TMEM71: variants seen among roughly 807,000 people sequenced by gnomAD.
The protein encoded by TMEM71 is transmembrane protein 71.
Under a neutral mutation model 38.0 loss-of-function variants are expected in TMEM71, and 44 were observed. The ratio of observed to expected loss-of-function variants is 1.16; its 90% confidence interval spans 0.91 to 1.49. The LOEUF is 1.49. Ranked by LOEUF, TMEM71 falls within the 40% of genes most tolerant of loss-of-function variation. The pLI is 0.00. For missense variants in TMEM71, 367 were observed against 348.6 expected (o/e 1.05, Z -0.42); for synonymous variants, 133 against 122.5 (o/e 1.09, Z -0.56).
chr8:132,751,466 C>T (rs1828703519), intron 4 of TMEM71, among the ~76,000 whole-genome samples: 1 of 152,216 alleles, frequency 6.6e-6, no homozygotes, highest in Admixed American at 6.5e-5. Flanking sequence ...TGACGGGTTT[C>T]TATCCTGGCA....
chr8:132,771,002 A>G, the TMEM71 span, among the ~76,000 whole-genome samples: 177 of 152,362 alleles, frequency 1.2e-3, no homozygotes, highest in African/African-American at 4.2e-3. Flanking sequence ...AGTTAATGCA[A>G]GAGACACTAG....
chr8:132,729,707 T>C (rs532692592), intron 5 of TMEM71, among the ~76,000 whole-genome samples: 4 of 152,166 alleles, frequency 2.6e-5, no homozygotes, highest in African/African-American at 9.7e-5. Context: ...GAAGTCATAG[T>C]AGTCAAAGGT....
intron 5 of TMEM71, among the ~76,000 whole-genome samples, chr8:132,731,785 G>A (rs1392570521): frequency 6.6e-6 from 1 of 152,196 alleles, no homozygotes; most frequent in Non-Finnish European, 1.5e-5. Flanking sequence ...GAACTTCAAG[G>A]GGAACAAGCA....
chr8:132,707,604 C>T (rs1826112569), downstream of TMEM71, among the ~76,000 whole-genome samples: 2 of 152,106 alleles, frequency 1.3e-5, no homozygotes, highest in South Asian at 2.1e-4. Flanking sequence ...CTCATCTTCT[C>T]ACCTTCAGCC....
chr8:132,738,830 C>T (rs1827882869), intron 5 of TMEM71, among the ~76,000 whole-genome samples: 1 of 149,732 alleles, frequency 6.7e-6, no homozygotes. Context: ...GCACTTATTG[C>T]ATTCTTAAAA....
chr8:132,763,285 T>C (rs1482791412), upstream of TMEM71, among the ~76,000 whole-genome samples: 2 of 152,224 alleles, frequency 1.3e-5, no homozygotes, highest in Non-Finnish European at 2.9e-5. Context: ...AACATGAGCA[T>C]TAAAAGAGCA....
intron 4 of TMEM71, 46 bp downstream of exon 4, chr8:132,751,739 G>T: frequency 6.6e-7 from 1 of 1,517,812 alleles, no homozygotes; most frequent in African/African-American, 1.4e-5. Flanking sequence ...AACAATTAAT[G>T]GATGGATTGG....
downstream of TMEM71, among the ~76,000 whole-genome samples, chr8:132,707,756 C>A (rs979047694): frequency 6.6e-6 from 1 of 152,170 alleles, no homozygotes; most frequent in Non-Finnish European, 1.5e-5. Context: ...CAACACAAAA[C>A]AGACTAAAAC....
chr8:132,768,841 G>A, the TMEM71 span, among the ~76,000 whole-genome samples: 2 of 152,268 alleles, frequency 1.3e-5, no homozygotes, highest in Admixed American at 1.3e-4. Context: ...CTTGGAGATA[G>A]TGTTATTGCT....
intron 2 of TMEM71, chr8:132,757,874 T>C (rs1341300908): frequency 7.0e-6 from 1 of 143,568 alleles, no homozygotes; most frequent in Admixed American, 6.8e-5. Flanking sequence ...GAGGCAATAA[T>C]AAATCATTAG....
At chr8:132,774,293 C>A in the TMEM71 span, among the ~76,000 whole-genome samples, 1 of 152,166 alleles carries the variant, frequency 6.6e-6, no homozygotes, top group East Asian at 1.9e-4. Flanking sequence ...AACCAAAAAA[C>A]AAGATAACAA....
At chr8:132,730,061 C>A (rs767528387) in intron 5 of TMEM71, among the ~76,000 whole-genome samples, 6 of 151,876 alleles carry the variant, frequency 4.0e-5, no homozygotes, top group South Asian at 2.1e-4. Flanking sequence ...TGGGTTCAGG[C>A]GATTCTCCTG....
At chr8:132,760,437 A>T (rs191267597) in intron 1 of TMEM71, 39 bp downstream of exon 1, 1 of 152,364 alleles carries the variant, frequency 6.6e-6, no homozygotes, top group African/African-American at 2.4e-5. Context: ...GAATGTCAAC[A>T]GGTGCAGAAG....
Position 132,719,718 on chromosome 8 carries a change from A to G in TMEM71, c.752+2322T>C, listed in dbSNP as rs182188995. Among the ~76,000 whole-genome samples the G allele has an allele frequency of 2.1e-3, 325 of 152,364 alleles. 2 individuals are homozygous for G. Among genetic ancestry groups the G allele is most frequent in the African/African-American group, 7.5e-3 (310 of 41,584 alleles). On this transcript the variant is annotated intron_variant, in intron 7 of 9. Transcript: ENST00000677595. ...TATTAGAATAATTTTAGATATGCAG[A>G]GAAATCAGAAAATTAGGACAGAGGG... is the stretch of plus-strand genomic sequence containing the variant.
At chr8:132,725,038 TTTTTTTTC>T (rs1475200278) in intron 6 of TMEM71, among the ~76,000 whole-genome samples, 9 of 121,746 alleles carry the variant, frequency 7.4e-5, no homozygotes, top group Non-Finnish European at 1.4e-4. Flanking sequence ...TTTTCTTTTC[TTTTTTTTC>T]TTTTTTTTTT....
chr8:132,773,437 T>A, the TMEM71 span, among the ~76,000 whole-genome samples: 1 of 152,264 alleles, frequency 6.6e-6, no homozygotes, highest in Non-Finnish European at 1.5e-5. Context: ...CTTTCCAGGG[T>A]GGATTCTCAA....
chr8:132,713,917 T>G (rs1017944293), intron 9 of TMEM71, 78 bp downstream of exon 9: 1 of 1,379,046 alleles, frequency 7.3e-7, no homozygotes, highest in Non-Finnish European at 1.0e-6. Context: ...CCATCTACTA[T>G]GCAGCAGAAA....
intron 5 of TMEM71, among the ~76,000 whole-genome samples, chr8:132,733,528 G>T (rs1303163560): frequency 6.6e-6 from 1 of 152,146 alleles, no homozygotes; most frequent in Non-Finnish European, 1.5e-5. Context: ...TTTTGGACTG[G>T]GAAATTCCTA....
At chr8:132,753,339 A>G (rs1048793820) in intron 3 of TMEM71, among the ~76,000 whole-genome samples, 2 of 152,202 alleles carry the variant, frequency 1.3e-5, no homozygotes, top group East Asian at 3.8e-4. Context: ...AATTAACAGC[A>G]CTGATAGTAT....
Sources: allele counts gnomAD v4.1 joint callset (sites outside exome capture counted in the v4.1 genomes callset), GRCh38; gene constraint gnomAD v4.1.1; transcripts MANE v1.5; gene names NCBI Gene and HGNC (gene_info 2026-07-23, HGNC 2026-07-21).